The following FRMPD4 variants were observed in gnomAD, a reference collection of about 807,000 sequenced individuals.
FRMPD4 encodes FERM and PDZ domain containing 4.
A neutral mutation model predicts 94.1 loss-of-function variants in FRMPD4; 22 were observed. That is an observed-to-expected ratio of 0.23 (90% CI 0.17 to 0.33). The LOEUF (loss-of-function observed/expected upper bound fraction) is 0.33. FRMPD4 is among the 10% of genes least tolerant of loss of function. The pLI is 1.00. For synonymous variants in FRMPD4, 631 were observed against 548.6 expected (o/e 1.15, Z -2.10); for missense variants, 1,111 against 1,339.9 (o/e 0.83, Z 2.67).
chrX:12,127,954 C>A (rs2055514899), intron 3 of FRMPD4, among the ~76,000 whole-genome samples: 1 of 112,898 alleles, frequency 8.9e-6, no homozygotes, highest in South Asian at 3.7e-4. Flanking sequence ...CCAGGTCATG[C>A]CAATGCAAGA....
At chrX:12,257,602 G>A (rs1486988538) in intron 1 of FRMPD4, among the ~76,000 whole-genome samples, 1 of 111,238 alleles carries the variant, frequency 9.0e-6, no homozygotes, top group Non-Finnish European at 1.9e-5. Context: ...AATCTGGTGG[G>A]CATATTGGAA....
chrX:11,884,012 T>A (rs1046681095), intron 3 of FRMPD4, among the ~76,000 whole-genome samples: 2 of 111,747 alleles, frequency 1.8e-5, no homozygotes, highest in African/African-American at 6.5e-5. Context: ...ATGTCCTTTC[T>A]TCATCTTAGG....
chrX:12,002,567 G>T (rs1419235606), intron 3 of FRMPD4, among the ~76,000 whole-genome samples: 2 of 112,093 alleles, frequency 1.8e-5, no homozygotes, highest in Non-Finnish European at 3.8e-5. Context: ...GCATAATAGT[G>T]TTGACAACTG....
At chrX:12,667,444 G>A (rs2059791096) in intron 4 of FRMPD4, among the ~76,000 whole-genome samples, 1 of 111,309 alleles carries the variant, frequency 9.0e-6, no homozygotes, top group African/African-American at 3.3e-5. Context: ...TATTTAAGTT[G>A]GTCTAGAAAG....
intron 3 of FRMPD4, among the ~76,000 whole-genome samples, chrX:12,070,978 C>T (rs962650411): frequency 1.8e-5 from 2 of 111,919 alleles, no homozygotes; most frequent in African/African-American, 6.5e-5. Flanking sequence ...CTTGAAGAGT[C>T]AACTTTTTGT....
chrX:12,356,936 C>A (rs1202640064), intron 1 of FRMPD4, among the ~76,000 whole-genome samples: 1 of 112,071 alleles, frequency 8.9e-6, no homozygotes, highest in Non-Finnish European at 1.9e-5. Flanking sequence ...TCCCTTTTAA[C>A]CTTACTTCCA....
At chrX:12,575,281 A>G (rs1365839828) in intron 2 of FRMPD4, among the ~76,000 whole-genome samples, 1 of 110,186 alleles carries the variant, frequency 9.1e-6, no homozygotes, top group East Asian at 2.8e-4. Flanking sequence ...CATAAAAAAA[A>G]TAAGTAGTAA....
At chrX:11,823,650 G>A in intron 1 of FRMPD4, among the ~76,000 whole-genome samples, 1 of 111,852 alleles carries the variant, frequency 8.9e-6, no homozygotes, top group Admixed American at 9.5e-5. Context: ...TGCTGTTGTA[G>A]CACGGAGGCA....
At chrX:12,133,505 G>A (rs1481418782), upstream of FRMPD4, among the ~76,000 whole-genome samples, 1 of 111,293 alleles carries the variant, frequency 9.0e-6, no homozygotes, top group African/African-American at 3.3e-5. Flanking sequence ...GCTCAATGCA[G>A]CCTCAACCTC....
Position 12,244,231 on chromosome X carries a change from C to A in FRMPD4, c.41+105219C>A, listed in dbSNP as rs1014700888. Among the ~76,000 whole-genome samples the A allele has an allele frequency of 2.7e-5, 3 of 111,027 alleles. No homozygotes were observed. The East Asian group carries it at 8.5e-4, about 31-fold the overall frequency. On this transcript the variant is annotated intron_variant, in intron 1 of 16. Transcript: ENST00000675598. ...GCTGGCTATCAGTTGGAGTCCAGCC[C>A]AGCCTAGAGGATTCTGCCTTTGGCT... is the stretch of plus-strand genomic sequence containing the variant.
At position 12,329,693 on chromosome X, in the gene FRMPD4, G is replaced by A. The variant is rs142470010; in HGVS notation, c.42-168987G>A. ...GGCTGAGTCATTGGCTTGAACATCAGGATCTGTGTGCCCAATCTTGGCTTG... is the reference window on the plus strand; with the variant it reads ...GGCTGAGTCATTGGCTTGAACATCAAGATCTGTGTGCCCAATCTTGGCTTG... On this transcript the variant is annotated intron_variant, in intron 1 of 16. Transcript: ENST00000675598. 6.8e-4 allele frequency among the ~76,000 whole-genome samples: 75 copies of A among 109,854 alleles called. 1 individual carries two copies. The East Asian group carries it at 0.011, about 16-fold the overall frequency.
intron 3 of FRMPD4, among the ~76,000 whole-genome samples, chrX:11,967,756 G>GTGTGTGTTTTTTTTTTTT (rs36019385): frequency 4.6e-5 from 3 of 65,565 alleles, no homozygotes; most frequent in African/African-American, 1.6e-4. Context: ...GTGTGTGTGT[G>GTGTGTGTTTTTTTTTTTT]TTTTTTTTTT....
intron 2 of FRMPD4, among the ~76,000 whole-genome samples, chrX:12,572,925 TAA>T (rs1240676582): frequency 9.0e-6 from 1 of 111,635 alleles, no homozygotes; most frequent in Non-Finnish European, 1.9e-5. Flanking sequence ...GCTGTACAAA[TAA>T]AAAGTCTCTC....
chrX:12,417,595 A>AAAAAT (rs1258219135), intron 1 of FRMPD4, among the ~76,000 whole-genome samples: 1 of 109,371 alleles, frequency 9.1e-6, no homozygotes, highest in Non-Finnish European at 1.9e-5. Flanking sequence ...AAAAAAAAAA[A>AAAAAT]AATTAGTTTA....
chrX:12,190,849 A>T (rs1027105247), intron 1 of FRMPD4, among the ~76,000 whole-genome samples: 1 of 111,285 alleles, frequency 9.0e-6, no homozygotes, highest in Non-Finnish European at 1.9e-5. Flanking sequence ...TGTAGTGAAG[A>T]CTTTTTAGAT....
intron 3 of FRMPD4, among the ~76,000 whole-genome samples, chrX:12,023,397 C>A (rs910828904): frequency 3.9e-4 from 44 of 111,729 alleles, no homozygotes; most frequent in African/African-American, 1.4e-3. Context: ...ACTCAAATTC[C>A]CACGCATGGC....
chrX:12,702,417 G>A (rs937748435), intron 10 of FRMPD4, among the ~76,000 whole-genome samples: 8 of 111,655 alleles, frequency 7.2e-5, no homozygotes, highest in African/African-American at 1.3e-4. Flanking sequence ...CTATTAACGC[G>A]GGGATATAGG....
chrX:12,083,692 G>T (rs765178093), intron 3 of FRMPD4, among the ~76,000 whole-genome samples: 1 of 112,831 alleles, frequency 8.9e-6, no homozygotes, highest in East Asian at 2.8e-4. Flanking sequence ...AGCCACAGGG[G>T]CGGCTGCCCA....
chrX:12,652,725 T>C (rs1375945427), intron 4 of FRMPD4, among the ~76,000 whole-genome samples: 2 of 112,267 alleles, frequency 1.8e-5, no homozygotes, highest in Non-Finnish European at 3.8e-5. Flanking sequence ...GCCTGGAAAC[T>C]ACAGATTAGT....
Sources: allele counts gnomAD v4.1 joint callset (sites outside exome capture counted in the v4.1 genomes callset), GRCh38; gene constraint gnomAD v4.1.1; transcripts MANE v1.5; gene names NCBI Gene and HGNC (gene_info 2026-07-23, HGNC 2026-07-21).